Variants in SLC16A10 observed in about 807,000 individuals in gnomAD.
SLC16A10 encodes the protein monocarboxylate transporter 10.
In SLC16A10, 27 loss-of-function variants were observed where a neutral mutation model predicts 40.0. The ratio of observed to expected loss-of-function variants is 0.67; its 90% CI spans 0.50 to 0.93. The LOEUF (loss-of-function observed/expected upper bound fraction) is 0.93. SLC16A10 is among the 40% of genes least tolerant of loss of function. SLC16A10 has a pLI of 0.00. For missense variants in SLC16A10, 529 were observed against 658.2 expected, an observed-to-expected ratio of 0.80 and a Z score of 2.15; for synonymous variants, 213 against 249.8, an observed-to-expected ratio of 0.85 and a Z score of 1.39.
intron 3 of SLC16A10, among the ~76,000 whole-genome samples, chr6:111,202,579 T>G (rs1008023189): frequency 6.6e-6 from 1 of 151,852 alleles, no homozygotes; most frequent in Admixed American, 6.6e-5. Flanking sequence ...AACAGATGTT[T>G]AAGAACATAA....
intron 1 of SLC16A10, among the ~76,000 whole-genome samples, chr6:111,164,918 T>C (rs1772443388): frequency 6.6e-6 from 1 of 152,226 alleles, no homozygotes; most frequent in Non-Finnish European, 1.5e-5. Flanking sequence ...AATATTAAAA[T>C]CATTTGAACT....
chr6:111,102,519 A>AAT (rs1771207766), intron 1 of SLC16A10, among the ~76,000 whole-genome samples: 2 of 152,288 alleles, frequency 1.3e-5, no homozygotes, highest in South Asian at 4.1e-4. Flanking sequence ...TATGCCAGTG[A>AAT]ATATATTAGA....
chr6:111,195,605 C>T (rs1217222861), intron 3 of SLC16A10, among the ~76,000 whole-genome samples: 7 of 152,154 alleles, frequency 4.6e-5, no homozygotes, highest in Non-Finnish European at 1.0e-4. Flanking sequence ...TCCAAAACAA[C>T]CCTAATGAGG....
chr6:111,090,487 A>G (rs9487583), intron 1 of SLC16A10, among the ~76,000 whole-genome samples: 10,394 of 152,292 alleles, frequency 0.068, 1,102 homozygotes, highest in African/African-American at 0.23. Flanking sequence ...TAATACATAT[A>G]TGACTGATAG....
intron 1 of SLC16A10, among the ~76,000 whole-genome samples, chr6:111,146,476 C>T (rs902464266): frequency 6.3e-4 from 96 of 152,306 alleles, no homozygotes; most frequent in African/African-American, 2.3e-3. Flanking sequence ...CGCGGTGGCT[C>T]AAGCCTGTAA....
chr6:111,165,206 G>T (rs963492821), intron 1 of SLC16A10, among the ~76,000 whole-genome samples: 1 of 152,182 alleles, frequency 6.6e-6, no homozygotes, highest in Non-Finnish European at 1.5e-5. Flanking sequence ...GACAAAAACA[G>T]ATTTTGAGAG....
At chr6:111,171,832 A>AAT (rs1438262907) in intron 1 of SLC16A10, among the ~76,000 whole-genome samples, 1 of 151,740 alleles carries the variant, frequency 6.6e-6, no homozygotes, top group Non-Finnish European at 1.5e-5. Context: ...AAAAAAAAAA[A>AAT]AAGGCAAAAA....
At chr6:111,168,104 C>G (rs571804380) in intron 1 of SLC16A10, among the ~76,000 whole-genome samples, 3 of 152,098 alleles carry the variant, frequency 2.0e-5, no homozygotes, top group East Asian at 1.9e-4. Context: ...CTCAGCCTCC[C>G]GAATAGCTGG....
chr6:111,175,614 A>G (rs1772665525), intron 2 of SLC16A10, among the ~76,000 whole-genome samples: 1 of 152,194 alleles, frequency 6.6e-6, no homozygotes. Context: ...TGAATGAAGT[A>G]TTAATTTCTG....
chr6:111,115,732 T>A (rs1248121198), intron 1 of SLC16A10, among the ~76,000 whole-genome samples: 2 of 152,194 alleles, frequency 1.3e-5, no homozygotes, highest in African/African-American at 4.8e-5. Context: ...CTCAGTAGTA[T>A]CATGCCTAGA....
chr6:111,221,709 G>A (rs943460892), intron 5 of SLC16A10, among the ~76,000 whole-genome samples: 8 of 151,164 alleles, frequency 5.3e-5, no homozygotes, highest in African/African-American at 1.7e-4. Flanking sequence ...TTATGCTACC[G>A]CACTCCAGCC....
At chr6:111,212,969 A>G (rs969703404) in intron 4 of SLC16A10, among the ~76,000 whole-genome samples, 2 of 151,992 alleles carry the variant, frequency 1.3e-5, no homozygotes, top group Admixed American at 6.6e-5. Flanking sequence ...TCTTTTTACT[A>G]TTTTCTTAAT....
intron 1 of SLC16A10, among the ~76,000 whole-genome samples, chr6:111,126,614 A>G (rs1004739240): frequency 2.0e-5 from 3 of 152,126 alleles, no homozygotes; most frequent in African/African-American, 7.2e-5. Context: ...GGATGTTATA[A>G]TATAATCCAC....
chr6:111,103,664 T>C (rs1325285198), intron 1 of SLC16A10, among the ~76,000 whole-genome samples: 1 of 152,216 alleles, frequency 6.6e-6, no homozygotes, highest in African/African-American at 2.4e-5. Context: ...TGCTAAATCC[T>C]GTGCAAGTAA....
chr6:111,142,208 T>C (rs1771995464), intron 1 of SLC16A10, among the ~76,000 whole-genome samples: 1 of 152,014 alleles, frequency 6.6e-6, no homozygotes, highest in African/African-American at 2.4e-5. Context: ...AGCCCAGAAA[T>C]AGACCCAGAC....
chr6:111,091,601 A>G (rs966024145), intron 1 of SLC16A10, among the ~76,000 whole-genome samples: 1 of 152,116 alleles, frequency 6.6e-6, no homozygotes, highest in African/African-American at 2.4e-5. Flanking sequence ...CGTTCAAGCA[A>G]AAGTCTGGGG....
intron 1 of SLC16A10, among the ~76,000 whole-genome samples, chr6:111,143,250 T>A (rs1772015753): frequency 6.6e-6 from 1 of 152,080 alleles, no homozygotes; most frequent in Admixed American, 6.5e-5. Context: ...TGGCTAATTT[T>A]TTTTTTTGAG....
Position 111,177,680 on chromosome 6 carries a change from T to C in SLC16A10, c.942+15T>C. ...ATGTTCACTTGGTGAGTATGCTCCT[T>C]CACTGATCATGAATATTACTATTTA... On this transcript the variant is annotated intron_variant, in intron 3 of 5. Transcript: ENST00000368851. The C allele has an allele frequency of 6.6e-7, 1 of 1,508,164 alleles. No homozygotes were observed. Among genetic ancestry groups the C allele is most frequent in the Non-Finnish European group, 8.9e-7 (1 of 1,129,772 alleles). 93.4% of individuals were successfully genotyped at this position (1,508,164 alleles called of 1,614,324 possible).
In SLC16A10 at chr6:111,122,029, C is replaced by G. The variant is rs117208491; in HGVS notation, c.343+33934C>G. ...TACCCCGTGTTCACTGTTGCCCTCA[C>G]CTTGGGTGATGACTGGGTCACATGG... is the stretch of plus-strand genomic sequence containing the variant. On this transcript the variant is annotated intron_variant, in intron 1 of 5. Transcript: ENST00000368851. Among the ~76,000 whole-genome samples, 15 of 152,202 alleles carry G rather than the reference C, an allele frequency of 9.9e-5. 1 individual carries two copies. The East Asian group carries it at 2.9e-3, about 29-fold the overall frequency.
Sources: gnomAD v4.1 joint callset for allele counts (sites outside exome capture counted in the v4.1 genomes callset) on GRCh38, gnomAD v4.1.1 for gene constraint, MANE v1.5 for transcripts, NCBI Gene and HGNC (gene_info 2026-07-23, HGNC 2026-07-21) for gene names.